GRM8: variants seen among roughly 807,000 people sequenced by gnomAD.
The protein encoded by GRM8 is glutamate metabotropic receptor 8, also known as metabotropic glutamate receptor 8.
Under a neutral mutation model 87.2 loss-of-function variants are expected in GRM8, and 47 were observed. The observed-to-expected ratio is 0.54, with a 90% CI of 0.43 to 0.69. The LOEUF (loss-of-function observed/expected upper bound fraction) is 0.69. Ranked by LOEUF, GRM8 falls within the 30% of genes least tolerant of loss-of-function variation. GRM8 has a pLI of 0.00. For missense variants in GRM8, 1,019 were observed against 1,139.2 expected (o/e 0.89, Z 1.52); for synonymous variants, 396 against 404.5 (o/e 0.98, Z 0.25).
At position 127,239,797 on chromosome 7, in the gene GRM8, G is replaced by A. The variant is rs76987714; in HGVS notation, c.510+2898C>T. The stretch of plus-strand genomic sequence containing the variant: ...TAAAAATCAAACTAAAGTAGCATAA[G>A]TTGCTATTATCTAATTCACATTCTT... On this transcript the variant is annotated intron_variant, in intron 2 of 10. Transcript: ENST00000339582. 3.2e-3 allele frequency among the ~76,000 whole-genome samples: 493 copies of A among 152,290 alleles called. 2 individuals carry two copies. Among genetic ancestry groups the A allele is most frequent in the Admixed American group, 8.7e-3 (133 of 15,296 alleles).
At chr7:126,612,013 C>A (rs1293601015) in intron 7 of GRM8, among the ~76,000 whole-genome samples, 2 of 152,122 alleles carry the variant, frequency 1.3e-5, no homozygotes, top group African/African-American at 2.4e-5. Context: ...GGTTCAAACG[C>A]CCCTCTGTCA....
intron 7 of GRM8, among the ~76,000 whole-genome samples, chr7:126,705,709 A>T (rs1810435094): frequency 6.6e-6 from 1 of 152,202 alleles, no homozygotes; most frequent in Admixed American, 6.5e-5. Context: ...AGTCATTAAG[A>T]GATGTAAAAC....
At position 126,983,436 on chromosome 7, in the gene GRM8, T is replaced by C. The variant is rs183961604; in HGVS notation, c.728-78753A>G. 6.6e-5 allele frequency among the ~76,000 whole-genome samples: 10 copies of C among 152,212 alleles called. No homozygotes were observed. In the East Asian group the frequency reaches 1.7e-3, roughly 26 times the overall value. On this transcript the variant is annotated intron_variant, in intron 3 of 10. Transcript: ENST00000339582. The stretch of plus-strand genomic sequence containing the variant: ...AGCTTCCAATATACGGTACTGCTTT[T>C]CCCATAGCCAGGATATGCAGAGTCC...
At chr7:127,183,379 T>A (rs571252189) in intron 2 of GRM8, among the ~76,000 whole-genome samples, 2 of 151,358 alleles carry the variant, frequency 1.3e-5, no homozygotes, top group Non-Finnish European at 3.0e-5. Flanking sequence ...AAACTATAGA[T>A]CAAAATCAGA....
chr7:127,145,759 C>A (rs1231235531), intron 2 of GRM8, among the ~76,000 whole-genome samples: 1 of 151,922 alleles, frequency 6.6e-6, no homozygotes, highest in Admixed American at 6.6e-5. Context: ...CGGAACAAAC[C>A]CTGCTCTGAG....
At chr7:126,707,307 A>T (rs538636893) in intron 7 of GRM8, among the ~76,000 whole-genome samples, 2 of 152,162 alleles carry the variant, frequency 1.3e-5, no homozygotes, top group Non-Finnish European at 1.5e-5. Flanking sequence ...TTTTTTTTTA[A>T]ATAAGGCTAA....
chr7:127,208,571 A>C lies in GRM8; in HGVS notation c.510+34124T>G, dbSNP rs75208629. Among the ~76,000 whole-genome samples, 1,164 of 152,354 alleles carry C rather than the reference A, an allele frequency of 7.6e-3. 10 individuals are homozygous for C. Among genetic ancestry groups the C allele is most frequent in the Non-Finnish European group, 0.013 (889 of 68,024 alleles). On this transcript the variant is annotated intron_variant, in intron 2 of 10. Coordinates refer to ENST00000339582, the MANE Select transcript of GRM8 (RefSeq NM_000845.3). Reference sequence around the variant, plus strand: ...GCTAATGAGTAGGAAACCAAAGTTTATACCAAACCCTGGGACTCTAGAGCC... The same window carrying C: ...GCTAATGAGTAGGAAACCAAAGTTTCTACCAAACCCTGGGACTCTAGAGCC...
intron 7 of GRM8, among the ~76,000 whole-genome samples, chr7:126,742,795 T>C (rs1029786654): frequency 5.3e-5 from 8 of 152,084 alleles, no homozygotes; most frequent in African/African-American, 1.7e-4. Flanking sequence ...TTCTAGTCAC[T>C]AGTTAATTAC....
At chr7:126,486,852 T>C (rs148370972) in intron 9 of GRM8, among the ~76,000 whole-genome samples, 1 of 152,204 alleles carries the variant, frequency 6.6e-6, no homozygotes, top group African/African-American at 2.4e-5. Context: ...CTTACAAAGA[T>C]TACTAATGTG....
chr7:126,966,188 G>A (rs1563362246), intron 3 of GRM8, among the ~76,000 whole-genome samples: 2 of 152,098 alleles, frequency 1.3e-5, no homozygotes, highest in South Asian at 2.1e-4. Context: ...AGGCTGGAAT[G>A]CAGTGGCATG....
intron 7 of GRM8, among the ~76,000 whole-genome samples, chr7:126,645,912 A>G (rs1415331780): frequency 2.0e-5 from 3 of 152,054 alleles, no homozygotes; most frequent in Admixed American, 6.6e-5. Flanking sequence ...AACTTACCCT[A>G]TATTTTACCA....
intron 7 of GRM8, among the ~76,000 whole-genome samples, chr7:126,643,047 T>A (rs550063561): frequency 6.6e-6 from 1 of 151,600 alleles, no homozygotes; most frequent in African/African-American, 2.4e-5. Context: ...TCCCAGCATG[T>A]TGGGAGGGTG....
At chr7:126,745,548 C>T (rs922479682) in intron 7 of GRM8, among the ~76,000 whole-genome samples, 21 of 151,526 alleles carry the variant, frequency 1.4e-4, no homozygotes, top group Admixed American at 9.9e-4. Context: ...ATTATTCAAT[C>T]GCATCTGCTC....
chr7:126,946,231 G>T (rs944321118), intron 3 of GRM8, among the ~76,000 whole-genome samples: 1 of 152,240 alleles, frequency 6.6e-6, no homozygotes, highest in African/African-American at 2.4e-5. Context: ...GCTAGGCATA[G>T]TGGCTCATGC....
At chr7:126,550,183 C>T (rs1186788829) in intron 8 of GRM8, among the ~76,000 whole-genome samples, 1 of 151,716 alleles carries the variant, frequency 6.6e-6, no homozygotes, top group Non-Finnish European at 1.5e-5. Context: ...GGAGTGATCT[C>T]GGTTCACTGC....
At chr7:127,158,062 G>T (rs982481001) in intron 2 of GRM8, among the ~76,000 whole-genome samples, 1 of 152,070 alleles carries the variant, frequency 6.6e-6, no homozygotes, top group African/African-American at 2.4e-5. Flanking sequence ...GATGGGTGGA[G>T]GCTGAAAGTC....
chr7:126,450,188 TA>T (rs1470981943), intron 9 of GRM8, among the ~76,000 whole-genome samples: 1 of 151,788 alleles, frequency 6.6e-6, no homozygotes, highest in Admixed American at 6.6e-5. Flanking sequence ...GAGGAGATTT[TA>T]TTTTTCCAGG....
intron 3 of GRM8, among the ~76,000 whole-genome samples, chr7:127,082,639 G>A (rs1364627328): frequency 1.3e-5 from 2 of 152,066 alleles, no homozygotes; most frequent in Non-Finnish European, 2.9e-5. Context: ...ATCTCTCCTG[G>A]GAAAGTAACA....
intron 8 of GRM8, among the ~76,000 whole-genome samples, chr7:126,574,800 G>T (rs1794972684): frequency 6.6e-6 from 1 of 151,628 alleles, no homozygotes; most frequent in African/African-American, 2.4e-5. Flanking sequence ...AGACTGTTTT[G>T]CAGACTGGCC....
Sources: allele counts gnomAD v4.1 joint callset (sites outside exome capture counted in the v4.1 genomes callset), GRCh38; gene constraint gnomAD v4.1.1; transcripts MANE v1.5; gene names NCBI Gene and HGNC (gene_info 2026-07-23, HGNC 2026-07-21).